DNAH9: variants seen among roughly 807,000 people sequenced by gnomAD.
The protein encoded by DNAH9 is DNAH9 variant protein.
In DNAH9, 345 loss-of-function variants were observed where a neutral mutation model predicts 471.6. The observed-to-expected ratio is 0.73, with a 90% CI of 0.67 to 0.80. The LOEUF (loss-of-function observed/expected upper bound fraction) is 0.80. Among genes scored for constraint, DNAH9 ranks in the 30% least tolerant of loss-of-function variants. The pLI is 0.00. For synonymous variants in DNAH9, 2,093 were observed against 2,123.6 expected (o/e 0.99, Z 0.40); for missense variants, 5,407 against 5,609.2 (o/e 0.96, Z 1.15).
In DNAH9 at chr17:11,932,240, T is replaced by G. The variant is rs763416107; in HGVS notation, c.12297+35T>G. The G allele has an allele frequency of 6.3e-7, 1 of 1,598,900 alleles. No homozygotes were observed. The highest frequency in any genetic ancestry group is 8.5e-7 in the Non-Finnish European group (1 of 1,170,560). ...ATGGACATTCAGGGACCAGCCAGGT[T>G]GGGAGAGGGTTAAAATTATTTAATT... On this transcript the variant is annotated intron_variant, in intron 64 of 68. Coordinates refer to ENST00000262442, the MANE Select transcript of DNAH9 (RefSeq NM_001372.4). This position sits in a 1 kb window ranked among gnomAD's most constrained non-coding sequence, Gnocchi z 4.3.
chr17:11,852,372 G>T (rs1005634995), intron 49 of DNAH9, among the ~76,000 whole-genome samples: 1 of 152,062 alleles, frequency 6.6e-6, no homozygotes, highest in South Asian at 2.1e-4. Context: ...TACCTTTCAC[G>T]GATATTTCTT....
At chr17:11,951,020 C>T (rs1975342721) in intron 67 of DNAH9, among the ~76,000 whole-genome samples, 1 of 152,150 alleles carries the variant, frequency 6.6e-6, no homozygotes, top group African/African-American at 2.4e-5. Context: ...GCCTTTATTC[C>T]CCTATCAACT....
rs563370899 is a variant in DNAH9, at chr17:11,676,029, A to G, written c.3354-3728A>G. Among the ~76,000 whole-genome samples the G allele has an allele frequency of 2.0e-5, 3 of 152,146 alleles. No homozygotes were observed. In the East Asian group the frequency reaches 5.8e-4, roughly 29 times the overall value. ...TCTGATCTGTGAGAGTTTGATTTAAATTTCTTATTGAGCCATCTGGGATTG... is the reference window on the plus strand; with the variant it reads ...TCTGATCTGTGAGAGTTTGATTTAAGTTTCTTATTGAGCCATCTGGGATTG... On this transcript the variant is annotated intron_variant, in intron 17 of 68. Transcript: ENST00000262442.
intron 36 of DNAH9, among the ~76,000 whole-genome samples, chr17:11,764,103 G>T (rs774137014): frequency 1.3e-5 from 2 of 152,166 alleles, no homozygotes; most frequent in Non-Finnish European, 2.9e-5. Context: ...TCCAGAGAAG[G>T]CTGGACCAAA....
At chr17:11,711,923 TATAAATATATATATTTGTATATATATTTA>T (rs1404265930) in intron 26 of DNAH9, among the ~76,000 whole-genome samples, 11 of 71,036 alleles carry the variant, frequency 1.5e-4, no homozygotes, top group South Asian at 7.4e-4. Context: ...TATATTTATA[TATAAATATATATATTTGTATATATATTTA>T]TATATAAATA....
chr17:11,969,174 G>C (rs553890092), intron 68 of DNAH9, 126 bp from the exon 69 acceptor site: 3 of 748,180 alleles, frequency 4.0e-6, no homozygotes, highest in African/African-American at 1.8e-5. Flanking sequence ...AACCTGGAAG[G>C]GGGCAGGCAT....
intron 45 of DNAH9, among the ~76,000 whole-genome samples, chr17:11,820,932 C>T (rs763409895): frequency 1.3e-5 from 2 of 151,650 alleles, no homozygotes; most frequent in Non-Finnish European, 2.9e-5. Context: ...TATTTCCCTG[C>T]ATTTTTTATA....
intron 41 of DNAH9, among the ~76,000 whole-genome samples, chr17:11,790,086 C>G (rs934564355): frequency 1.1e-4 from 16 of 150,902 alleles, no homozygotes; most frequent in African/African-American, 3.7e-4. Context: ...TTTGTTGAGA[C>G]TGCTCTATGT....
chr17:11,782,902 A>G lies in DNAH9; in HGVS notation c.7719-744A>G, dbSNP rs569224771. ...CCGAGCAAGACTCCGTCTCAAAAAA[A>G]GAATAAATTAAAAATAAACTTGCAT... On this transcript the variant is annotated intron_variant, in intron 39 of 68. Coordinates refer to ENST00000262442, the MANE Select transcript of DNAH9 (RefSeq NM_001372.4). 5.9e-5 allele frequency among the ~76,000 whole-genome samples: 9 copies of G among 152,342 alleles called. No individual in the cohort carries two copies. In the East Asian group the frequency reaches 1.5e-3, roughly 26 times the overall value.
chr17:11,732,061 G>C (rs1343622096), intron 28 of DNAH9, among the ~76,000 whole-genome samples: 1 of 152,164 alleles, frequency 6.6e-6, no homozygotes. Context: ...CCAACCTCGA[G>C]CTATCTTATC....
chr17:11,940,118 A>G (rs1027365935), intron 66 of DNAH9, among the ~76,000 whole-genome samples: 3 of 152,236 alleles, frequency 2.0e-5, no homozygotes, highest in African/African-American at 7.2e-5. Context: ...TCTGATAAGC[A>G]TTTATTACTT....
chr17:11,661,434 A>C (rs1445739449), intron 14 of DNAH9, among the ~76,000 whole-genome samples: 1 of 152,072 alleles, frequency 6.6e-6, no homozygotes, highest in African/African-American at 2.4e-5. Context: ...AAGCATTTGT[A>C]TGGTTGAATT....
intron 35 of DNAH9, among the ~76,000 whole-genome samples, chr17:11,760,665 G>T (rs1360880625): frequency 2.0e-5 from 3 of 152,100 alleles, no homozygotes; most frequent in Non-Finnish European, 4.4e-5. Flanking sequence ...GACTACAGGT[G>T]CATGCCACCA....
intron 44 of DNAH9, 101 bp from the exon 45 acceptor site, chr17:11,810,145 C>T: frequency 7.1e-7 from 1 of 1,401,448 alleles, no homozygotes; most frequent in South Asian, 1.5e-5. Flanking sequence ...AATTCCCATT[C>T]AAGCAGAGAA....
chr17:11,941,278 G>A (rs1974897788), intron 66 of DNAH9, among the ~76,000 whole-genome samples: 1 of 152,150 alleles, frequency 6.6e-6, no homozygotes, highest in Admixed American at 6.5e-5. Flanking sequence ...CAGGCACCTA[G>A]AGCTCAGCTC....
chr17:11,636,232 C>G (rs966174997), intron 8 of DNAH9, among the ~76,000 whole-genome samples: 1 of 152,186 alleles, frequency 6.6e-6, no homozygotes, highest in Admixed American at 6.5e-5. Context: ...TCTTGAACTC[C>G]TGACCTCGTG....
At chr17:11,781,844 C>A (rs8079020) in intron 39 of DNAH9, among the ~76,000 whole-genome samples, 36,391 of 111,920 alleles carry the variant, frequency 0.33, 6,886 homozygotes, top group African/African-American at 0.61. Context: ...AAAAAAAAAA[C>A]AAACAAAAAA....
At chr17:11,927,812 G>A (rs927288310) in intron 62 of DNAH9, among the ~76,000 whole-genome samples, 3 of 152,108 alleles carry the variant, frequency 2.0e-5, no homozygotes, top group Admixed American at 6.6e-5. Flanking sequence ...GGGCAGCCTC[G>A]AGGATCTCTG....
chr17:11,822,388 A>T (rs377274505), intron 46 of DNAH9, 50 bp from the exon 47 acceptor site: 1 of 1,605,186 alleles, frequency 6.2e-7, no homozygotes, highest in African/African-American at 1.3e-5. Flanking sequence ...CCTCTCCGTG[A>T]GTATTTCTCT....
Sources: gnomAD v4.1 joint callset for allele counts (sites outside exome capture counted in the v4.1 genomes callset) on GRCh38, gnomAD v4.1.1 for gene constraint, Gnocchi (gnomAD v3.1) non-coding constraint, MANE v1.5 for transcripts, NCBI Gene and HGNC (gene_info 2026-07-23, HGNC 2026-07-21) for gene names.